Variants in LHFPL3 observed in about 807,000 individuals in gnomAD.
The protein encoded by LHFPL3 is LHFPL tetraspan subfamily member 3, also known as LHFPL tetraspan subfamily member 3 protein.
Under a neutral mutation model 19.3 loss-of-function variants are expected in LHFPL3, and 5 were observed. The ratio of observed to expected loss-of-function variants is 0.26; its 90% CI spans 0.14 to 0.54. The LOEUF (loss-of-function observed/expected upper bound fraction) is 0.54. Among genes scored for constraint, LHFPL3 ranks in the 20% least tolerant of loss-of-function variants. The pLI is 0.94. For synonymous variants in LHFPL3, 133 were observed against 126.2 expected, an observed-to-expected ratio of 1.05 and a Z score of -0.36; for missense variants, 249 against 307.4, an observed-to-expected ratio of 0.81 and a Z score of 1.42.
chr7:104,838,640 G>A (rs1415871894), intron 2 of LHFPL3, among the ~76,000 whole-genome samples: 1 of 152,196 alleles, frequency 6.6e-6, no homozygotes, highest in Non-Finnish European at 1.5e-5. Context: ...GTGTTATAAA[G>A]CAGCACCGTC....
chr7:104,603,070 CTTTCTTTCTTTCTTTCTT>C (rs1562947426), intron 1 of LHFPL3, among the ~76,000 whole-genome samples: 76 of 58,764 alleles, frequency 1.3e-3, no homozygotes, highest in East Asian at 3.6e-3. Context: ...CTTTCTTTTT[CTTTCTTTCTTTCTTTCTT>C]TCTTTCTTTC....
At chr7:104,754,296 C>T (rs552737264) in intron 2 of LHFPL3, among the ~76,000 whole-genome samples, 1 of 152,278 alleles carries the variant, frequency 6.6e-6, no homozygotes, top group East Asian at 1.9e-4. Flanking sequence ...GTGTACCAAA[C>T]AACCATCTTC....
intron 1 of LHFPL3, among the ~76,000 whole-genome samples, chr7:104,550,225 A>T (rs1323666218): frequency 6.6e-6 from 1 of 152,164 alleles, no homozygotes; most frequent in Non-Finnish European, 1.5e-5. Flanking sequence ...ACCAATTTAA[A>T]TAATAATCTC....
chr7:104,452,269 A>G (rs1792454665), intron 1 of LHFPL3, among the ~76,000 whole-genome samples: 1 of 152,218 alleles, frequency 6.6e-6, no homozygotes, highest in Non-Finnish European at 1.5e-5. Context: ...GACATCATTT[A>G]AAATATCTGT....
intron 2 of LHFPL3, 80 bp from the exon 3 acceptor site, chr7:104,906,107 C>A: frequency 1.4e-6 from 2 of 1,381,798 alleles, no homozygotes; most frequent in Non-Finnish European, 2.0e-6. Flanking sequence ...ATATTATGCA[C>A]AAAAATCTTG....
At chr7:104,596,261 C>T (rs1790855606) in intron 1 of LHFPL3, among the ~76,000 whole-genome samples, 1 of 152,208 alleles carries the variant, frequency 6.6e-6, no homozygotes, top group Admixed American at 6.5e-5. Context: ...CATAAAGGTG[C>T]ATTTATTCAA....
chr7:104,463,829 G>A (rs1227795927), intron 1 of LHFPL3, among the ~76,000 whole-genome samples: 1 of 152,158 alleles, frequency 6.6e-6, no homozygotes, highest in Admixed American at 6.5e-5. Context: ...TAAGATTTGA[G>A]TGGAGACACA....
intron 1 of LHFPL3, among the ~76,000 whole-genome samples, chr7:104,336,674 C>A (rs60323281): frequency 1.3e-5 from 2 of 152,194 alleles, no homozygotes; most frequent in South Asian, 2.1e-4. Flanking sequence ...TCTGATATCT[C>A]CCCCACCCTA....
rs188952496 is a variant in LHFPL3, at chr7:104,769,557, C to T, written c.682+32646C>T. 4.0e-3 allele frequency among the ~76,000 whole-genome samples: 611 copies of T among 152,246 alleles called. 6 individuals carry two copies. Among genetic ancestry groups the T allele is most frequent in the Non-Finnish European group, 7.4e-3 (501 of 68,022 alleles). ...ACGTGCCATGGTGGTTTGCTGCACC[C>T]ATCAACCCGTCATCTACATTAGGTA... On this transcript the variant is annotated intron_variant, in intron 2 of 2. Transcript: ENST00000424859.
intron 1 of LHFPL3, among the ~76,000 whole-genome samples, chr7:104,408,877 T>TTTTTTTTTTA (rs1791476760): frequency 6.9e-6 from 1 of 143,948 alleles, no homozygotes; most frequent in Admixed American, 7.0e-5. Flanking sequence ...TTTTTTTTTT[T>TTTTTTTTTTA]TTTTTGAGAC....
At chr7:104,333,837 G>T (rs1801613397) in intron 1 of LHFPL3, among the ~76,000 whole-genome samples, 1 of 152,112 alleles carries the variant, frequency 6.6e-6, no homozygotes, top group African/African-American at 2.4e-5. Flanking sequence ...AGTTCCATAA[G>T]GCCTTGACTG....
At chr7:104,623,899 C>T (rs1791497242) in intron 1 of LHFPL3, among the ~76,000 whole-genome samples, 1 of 152,046 alleles carries the variant, frequency 6.6e-6, no homozygotes, top group Non-Finnish European at 1.5e-5. Context: ...TGAGTCCTGC[C>T]CAAATTTCTG....
At chr7:104,782,253 A>G (rs186102028) in intron 2 of LHFPL3, among the ~76,000 whole-genome samples, 49 of 152,328 alleles carry the variant, frequency 3.2e-4, no homozygotes, top group African/African-American at 1.1e-3. Context: ...AAAGTTGTCA[A>G]TCTTCTCACA....
intron 2 of LHFPL3, among the ~76,000 whole-genome samples, chr7:104,757,083 A>T (rs1037282443): frequency 6.6e-6 from 1 of 152,190 alleles, no homozygotes; most frequent in Admixed American, 6.5e-5. Context: ...TCTTCAACAA[A>T]GTAGACAAAA....
At chr7:104,480,978 G>T (rs867126925) in intron 1 of LHFPL3, among the ~76,000 whole-genome samples, 1 of 152,136 alleles carries the variant, frequency 6.6e-6, no homozygotes, top group South Asian at 2.1e-4. Context: ...GGGAGTAATG[G>T]GGTGAAGCAA....
chr7:104,354,922 A>G (rs1188847615), intron 1 of LHFPL3, among the ~76,000 whole-genome samples: 1 of 152,172 alleles, frequency 6.6e-6, no homozygotes, highest in Non-Finnish European at 1.5e-5. Flanking sequence ...AATATTTTAT[A>G]TTCTTTTTCT....
intron 2 of LHFPL3, among the ~76,000 whole-genome samples, chr7:104,837,617 AT>A (rs542329495): frequency 2.7e-4 from 41 of 151,714 alleles, no homozygotes; most frequent in African/African-American, 9.7e-4. Flanking sequence ...CACCAACTTT[AT>A]TTTTTTTTAT....
intron 1 of LHFPL3, among the ~76,000 whole-genome samples, chr7:104,601,808 T>A (rs887999420): frequency 6.6e-6 from 1 of 152,118 alleles, no homozygotes; most frequent in African/African-American, 2.4e-5. Context: ...TGGAGCTGGC[T>A]CTGGTCCACA....
chr7:104,339,246 C>G (rs34969344), intron 1 of LHFPL3, among the ~76,000 whole-genome samples: 26,746 of 151,262 alleles, frequency 0.18, 2,817 homozygotes, highest in Admixed American at 0.31. Context: ...GAAACTCCGT[C>G]TCAAAAAAAA....
Sources: allele counts gnomAD v4.1 joint callset (sites outside exome capture counted in the v4.1 genomes callset), GRCh38; gene constraint gnomAD v4.1.1; transcripts MANE v1.5; gene names NCBI Gene and HGNC (gene_info 2026-07-23, HGNC 2026-07-21).